The following AARSD1 variants were observed in gnomAD, a reference collection of about 807,000 sequenced individuals.
AARSD1 encodes alanyl-tRNA editing protein Aarsd1.
A neutral mutation model predicts 48.7 loss-of-function variants in AARSD1; 44 were observed. The ratio of observed to expected loss-of-function variants is 0.90; its 90% confidence interval spans 0.71 to 1.16. The LOEUF (loss-of-function observed/expected upper bound fraction) is 1.16. AARSD1 is among the 50% of genes most tolerant of loss of function. AARSD1 has a pLI of 0.00. For missense variants in AARSD1, 511 were observed against 523.1 expected (o/e 0.98, Z 0.23); for synonymous variants, 189 against 194.9 (o/e 0.97, Z 0.25).
intron 11 of AARSD1, 134 bp from the exon 12 acceptor site, chr17:42,950,862 A>C (rs1427766697): frequency 7.2e-7 from 1 of 1,392,144 alleles, no homozygotes; most frequent in Non-Finnish European, 9.4e-7. Flanking sequence ...TCTTTCTTGA[A>C]AACACTTGCA....
rs1337528162 is a variant in AARSD1, at chr17:42,951,886, G to A, written c.1017C>T (p.Leu339=). 1 of 1,613,482 alleles carries A rather than the reference G, an allele frequency of 6.2e-7. No individual in the cohort carries two copies. The highest frequency in any genetic ancestry group is 8.5e-7 in the Non-Finnish European group (1 of 1,179,696). ...TCTCATCGCCCACAGTTAAGAACAGGAGGGTCTCCTAGGAGGTAAGACAAG... is the reference window on the plus strand; with the variant it reads ...TCTCATCGCCCACAGTTAAGAACAGAAGGGTCTCCTAGGAGGTAAGACAAG... ...IANEIGSEET[L]LFLTVGDEKG... is the part of the protein sequence containing the mutation. Residue 339 remains leucine (L), a synonymous_variant, in exon 11 of 12, where the codon CTC becomes CTT. Coordinates refer to ENST00000427569, the MANE Select transcript of AARSD1 (RefSeq NM_001261434.2).
At chr17:42,956,030 C>T (rs1179951445) in intron 6 of AARSD1, 58 bp from the exon 7 acceptor site, 15 of 1,611,342 alleles carry the variant, frequency 9.3e-6, no homozygotes, top group Admixed American at 3.3e-5. Flanking sequence ...TAAACCACAG[C>T]GGATCCTAGA....
intron 9 of AARSD1, 104 bp downstream of exon 9, chr17:42,954,772 C>A: frequency 1.6e-6 from 2 of 1,271,888 alleles, no homozygotes; most frequent in South Asian, 2.5e-5. Flanking sequence ...CTTGAGAATA[C>A]CAGTGAGCAA....
intron 3 of AARSD1, among the ~76,000 whole-genome samples, chr17:42,959,940 G>T (rs1165855021): frequency 6.6e-6 from 1 of 151,904 alleles, no homozygotes; most frequent in African/African-American, 2.4e-5. Flanking sequence ...GGGATTACAG[G>T]CGTGAGCCAC....
chr17:42,960,633 A>G (rs1178038626), intron 3 of AARSD1, among the ~76,000 whole-genome samples: 1 of 150,806 alleles, frequency 6.6e-6, no homozygotes, highest in African/African-American at 2.4e-5. Context: ...GAGGCAGGAG[A>G]ATCGCTTGAA....
In AARSD1 at chr17:42,950,685, G is replaced by A. The variant is rs768300495; in HGVS notation, c.1147C>T (p.Arg383Cys). 14 of 1,613,760 alleles carry A rather than the reference G, an allele frequency of 8.7e-6. No homozygotes were observed. The highest frequency in any genetic ancestry group is 6.7e-5 in the African/African-American group (5 of 74,862). The change falls in exon 12 of 12, where the codon CGT becomes TGT. Residue 383 changes from arginine to cysteine, a missense_variant. Transcript: ENST00000427569. The part of the protein sequence containing the change: ...LEGKGAGKKG[R>C]FQGKATKMSR... ...ATCTTGGTGGCCTTGCCCTGAAAAC[G>A]GCCTTTCTTCCCTGCTCCTTTGCCT...
chr17:42,961,983 A>G (rs1848728384), intron 2 of AARSD1, among the ~76,000 whole-genome samples: 1 of 151,524 alleles, frequency 6.6e-6, no homozygotes, highest in Admixed American at 6.6e-5. Context: ...AGCCTGGGTG[A>G]CAGAGTGAGA....
chr17:42,963,536 C>T (rs2049667811), intron 2 of AARSD1, among the ~76,000 whole-genome samples: 1 of 152,078 alleles, frequency 6.6e-6, no homozygotes, highest in Non-Finnish European at 1.5e-5. Context: ...ACCTAGTCCT[C>T]ATCACAGCAC....
intron 3 of AARSD1, among the ~76,000 whole-genome samples, chr17:42,959,207 A>G (rs2049598877): frequency 6.6e-6 from 1 of 150,612 alleles, no homozygotes; most frequent in Non-Finnish European, 1.5e-5. Context: ...AAAAAAAAAA[A>G]AAAAAAAAAA....
At chr17:42,957,075 C>G in intron 4 of AARSD1, 63 bp downstream of exon 4, 1 of 1,600,978 alleles carries the variant, frequency 6.2e-7, no homozygotes, top group Non-Finnish European at 8.5e-7. Flanking sequence ...ATTCTCCCAC[C>G]TCCGCCTCCC....
intron 3 of AARSD1, among the ~76,000 whole-genome samples, chr17:42,959,170 CT>C (rs1449916737): frequency 7.8e-5 from 10 of 128,406 alleles, no homozygotes; most frequent in Non-Finnish European, 1.3e-4. Flanking sequence ...GCACTCCAGC[CT>C]GGGTGACAGA....
chr17:42,955,544 T>C, intron 7 of AARSD1: 1 of 435,730 alleles, frequency 2.3e-6, no homozygotes, highest in Non-Finnish European at 4.1e-6. Flanking sequence ...GTTCACGCCA[T>C]TCTCCTGCCT....
At chr17:42,951,978 A>G (rs964079202) in intron 10 of AARSD1, 84 bp from the exon 11 acceptor site, 54 of 1,426,804 alleles carry the variant, frequency 3.8e-5, no homozygotes, top group Middle Eastern at 3.5e-4. Flanking sequence ...TTCAATCTTA[A>G]GAATAGATTA....
At chr17:42,961,613 A>C (rs893310249) in intron 2 of AARSD1, among the ~76,000 whole-genome samples, 4 of 152,214 alleles carry the variant, frequency 2.6e-5, no homozygotes. Context: ...GTAAAACCCG[A>C]AGAATCTTAA....
chr17:42,954,064 A>C (rs1039502968), intron 9 of AARSD1: 11 of 434,776 alleles, frequency 2.5e-5, no homozygotes, highest in African/African-American at 2.2e-4. Context: ...GTCCTAAAGA[A>C]AGATACAGGC....
intron 9 of AARSD1, 177 bp from the exon 10 acceptor site, chr17:42,953,955 GCA>G (rs2049512494): frequency 1.4e-6 from 1 of 703,720 alleles, no homozygotes; most frequent in Admixed American, 2.8e-5. Context: ...CTCAGCCTCT[GCA>G]GTTTGTAATC....
chr17:42,956,935 G>T (rs1243335659), intron 4 of AARSD1, among the ~76,000 whole-genome samples: 9 of 146,340 alleles, frequency 6.2e-5, no homozygotes, highest in Non-Finnish European at 1.2e-4. Context: ...CCAAAGTGCT[G>T]GGATTACAAG....
chr17:42,954,116 G>A (rs2049514498), intron 9 of AARSD1: 1 of 222,954 alleles, frequency 4.5e-6, no homozygotes, highest in Admixed American at 4.9e-5. Context: ...CACTTTGGGA[G>A]GCCAAGGTGG....
rs1640437553 is a variant in AARSD1 at position 42,957,165 on chromosome 17, T to C, written c.362A>G (p.His121Arg). The C allele has an allele frequency of 2.5e-6, 4 of 1,613,598 alleles. No individual in the cohort carries two copies. In the South Asian group the frequency reaches 4.4e-5, roughly 18 times the overall value. The change falls in exon 4 of 12, where the codon CAT becomes CGT. Residue 121 changes from histidine (H) to arginine (R), a missense_variant. Physicochemically the swap from His to Arg is conservative, Grantham distance 29. Transcript: ENST00000427569. ...TGATGTTGTCTTCAGCTTAAATAGA[T>C]GGTCAGCAACTGCCGTGATGAGATG... ...GQHLITAVAD[H>R]LFKLKTTSWE...
Sources: allele counts gnomAD v4.1 joint callset (sites outside exome capture counted in the v4.1 genomes callset), GRCh38; gene constraint gnomAD v4.1.1; transcripts MANE v1.5; gene names NCBI Gene and HGNC (gene_info 2026-07-23, HGNC 2026-07-21).